Variants in ZNF618 observed in about 807,000 individuals in gnomAD.
The protein encoded by ZNF618 is zinc finger protein 618, also known as neural precursor cell expressed, developmentally down-regulated 10.
Under a neutral mutation model 103.0 loss-of-function variants are expected in ZNF618, and 34 were observed. The ratio of observed to expected loss-of-function variants is 0.33; its 90% CI spans 0.25 to 0.44. ZNF618 has a LOEUF of 0.44. Among genes scored for constraint, ZNF618 ranks in the 20% least tolerant of loss-of-function variants. The probability of loss-of-function intolerance (pLI) is 1.00; values close to 1 mark genes in which losing one functional copy is unlikely to be tolerated. For missense variants in ZNF618, 1,059 were observed against 1,295.4 expected (o/e 0.82, Z 2.80); for synonymous variants, 551 against 542.2 (o/e 1.02, Z -0.23).
intron 3 of ZNF618, among the ~76,000 whole-genome samples, chr9:113,995,785 C>A (rs1840530710): frequency 6.6e-6 from 1 of 152,162 alleles, no homozygotes; most frequent in African/African-American, 2.4e-5. Flanking sequence ...CACTCACTTT[C>A]TGAGCCCGAC....
chr9:114,045,015 T>A (rs747094882), intron 13 of ZNF618, among the ~76,000 whole-genome samples: 2 of 152,138 alleles, frequency 1.3e-5, no homozygotes, highest in Non-Finnish European at 2.9e-5. Context: ...TATAATCATA[T>A]CATCAGTGAA....
intron 2 of ZNF618, among the ~76,000 whole-genome samples, chr9:113,970,997 G>T (rs1181794129): frequency 1.4e-5 from 2 of 147,524 alleles, no homozygotes; most frequent in Non-Finnish European, 3.0e-5. Context: ...GTGGAGACAG[G>T]GAGTGTGGGA....
At chr9:113,919,320 G>A (rs1832423825) in intron 1 of ZNF618, among the ~76,000 whole-genome samples, 1 of 152,190 alleles carries the variant, frequency 6.6e-6, no homozygotes, top group South Asian at 2.1e-4. Context: ...GTCTGTAGCT[G>A]GGGGCTGCTG....
At chr9:114,015,007 T>C (rs1004297507) in intron 9 of ZNF618, among the ~76,000 whole-genome samples, 3 of 152,148 alleles carry the variant, frequency 2.0e-5, no homozygotes, top group African/African-American at 7.2e-5. Flanking sequence ...AGTGGAAAGA[T>C]TTATCACAAT....
chr9:114,021,887 G>GA (rs1284986291), intron 10 of ZNF618, among the ~76,000 whole-genome samples: 6 of 151,998 alleles, frequency 3.9e-5, no homozygotes, highest in Non-Finnish European at 1.5e-5. Flanking sequence ...TAATTATTTT[G>GA]AGATTCATCT....
In ZNF618 at chr9:113,945,415, A is replaced by G. The variant is rs75270757; in HGVS notation, c.34-23702A>G. Among the ~76,000 whole-genome samples the G allele has an allele frequency of 2.8e-4, 42 of 152,238 alleles. 1 individual carries two copies. Among genetic ancestry groups the G allele is most frequent in the African/African-American group, 9.9e-4 (41 of 41,532 alleles). On this transcript the variant is annotated intron_variant, in intron 1 of 14. Coordinates refer to ENST00000374126, the MANE Select transcript of ZNF618 (RefSeq NM_001318042.2). ...TGATAGTTATCTATTTATTGGTGAG[A>G]TCTTGGCTTGACATTTCTCTACTGC...
At chr9:113,999,850 T>G (rs569686815) in intron 4 of ZNF618, among the ~76,000 whole-genome samples, 2 of 152,194 alleles carry the variant, frequency 1.3e-5, no homozygotes, top group Admixed American at 6.5e-5. Flanking sequence ...CCCGGCACAT[T>G]GCAGGCACTC....
chr9:113,988,724 C>G, intron 3 of ZNF618, 144 bp downstream of exon 3: 1 of 1,276,696 alleles, frequency 7.8e-7, no homozygotes, highest in Non-Finnish European at 1.0e-6. Flanking sequence ...AGGGAGAGAT[C>G]TCAGCTTCTT....
Position 114,055,680 on chromosome 9 carries a change from CTT to C in ZNF618, c.*5515_*5516del, listed in dbSNP as rs1443766728. On this transcript the variant is annotated 3_prime_UTR_variant, in exon 15 of 15. Transcript: ENST00000374126. The stretch of plus-strand genomic sequence containing the variant: ...TAGACACATCTGACTGTGTCTCTCT[CTT>C]TGAGTGCAAGAAACTCAAGTCATCT... The C allele has an allele frequency of 2.0e-5, 3 of 147,068 alleles. No individual in the cohort carries two copies. Among genetic ancestry groups the C allele is most frequent in the African/African-American group, 7.5e-5 (3 of 39,756 alleles). The allele number at this position is 147,068 out of a possible 1,614,324, so 9.1% of individuals were successfully genotyped here. A position where few individuals can be genotyped will look rare whatever the true frequency, so the allele number is the denominator to read the frequency against.
chr9:114,049,637 G>A lies in ZNF618; in HGVS notation c.2335G>A (p.Gly779Ser). ...KLFTAKANDA[G>S]TVSKLCHLFL... ...GTTCACGGCCAAGGCCAACGACGCA[G>A]GCACTGTCAGCAAGCTCTGCCACCT... The change falls in exon 15 of 15, where the codon GGC becomes AGC. Residue 779 changes from glycine to serine, a missense_variant. Around this residue, in one of 6 missense-constraint regions of ZNF618, gnomAD observed 272 missense variants for 380.1 expected, o/e 0.72. Coordinates refer to ENST00000374126, the MANE Select transcript of ZNF618 (RefSeq NM_001318042.2). The A allele has an allele frequency of 6.2e-7, 1 of 1,613,850 alleles. No individual in the cohort carries two copies. The highest frequency in any genetic ancestry group is 8.5e-7 in the Non-Finnish European group (1 of 1,179,908).
chr9:113,877,458 C>T (rs1828059759), intron 1 of ZNF618, among the ~76,000 whole-genome samples: 1 of 151,290 alleles, frequency 6.6e-6, no homozygotes, highest in South Asian at 2.1e-4. Context: ...TCTATTTCCA[C>T]GAACGAAGGA....
Position 113,978,444 on chromosome 9 carries a change from G to A in ZNF618, c.77+9284G>A, listed in dbSNP as rs192816873. On this transcript the variant is annotated intron_variant, in intron 2 of 14. Transcript: ENST00000374126. ...GGAGAGAGAGAGGCAGGTGGCAAGC[G>A]CAGAGCCCAGGCGCCTTTCTCTGTG... Among the ~76,000 whole-genome samples the A allele has an allele frequency of 1.1e-4, 17 of 152,328 alleles. No homozygotes were observed. The South Asian group carries it at 2.5e-3, about 22-fold the overall frequency.
At chr9:113,950,745 A>G (rs1476074306) in intron 1 of ZNF618, among the ~76,000 whole-genome samples, 1 of 152,086 alleles carries the variant, frequency 6.6e-6, no homozygotes, top group African/African-American at 2.4e-5. Flanking sequence ...AGGGGCTCCA[A>G]CCCGGCCTCA....
chr9:114,007,973 C>T (rs1841901868), intron 7 of ZNF618, among the ~76,000 whole-genome samples: 1 of 152,172 alleles, frequency 6.6e-6, no homozygotes, highest in Non-Finnish European at 1.5e-5. Flanking sequence ...TACCACTGGC[C>T]CATCTCTTTT....
rs568866655 is a variant in ZNF618, at chr9:113,960,461, G to T, written c.34-8656G>T. Among the ~76,000 whole-genome samples the T allele has an allele frequency of 2.0e-5, 3 of 152,328 alleles. No individual in the cohort carries two copies. In the East Asian group the frequency reaches 5.8e-4, roughly 29 times the overall value. ...CTGTATTAGGGTCTGGATCCAATCTGCATGGCTGCCTATCAGAGAGAGAAG... is the reference window on the plus strand; with the variant it reads ...CTGTATTAGGGTCTGGATCCAATCTTCATGGCTGCCTATCAGAGAGAGAAG... On this transcript the variant is annotated intron_variant, in intron 1 of 14. Coordinates refer to ENST00000374126, the MANE Select transcript of ZNF618 (RefSeq NM_001318042.2).
chr9:113,890,671 T>C (rs1829538076), intron 1 of ZNF618, among the ~76,000 whole-genome samples: 1 of 152,244 alleles, frequency 6.6e-6, no homozygotes, highest in African/African-American at 2.4e-5. Flanking sequence ...ATTCTACATG[T>C]AGACAGAACT....
intron 1 of ZNF618, among the ~76,000 whole-genome samples, chr9:113,919,274 G>A (rs113421772): frequency 1.3e-5 from 2 of 152,188 alleles, no homozygotes; most frequent in Non-Finnish European, 2.9e-5. Context: ...ATGCTCTGGT[G>A]GCTGATGGCA....
intron 10 of ZNF618, among the ~76,000 whole-genome samples, chr9:114,018,462 G>T (rs952316510): frequency 1.7e-4 from 26 of 152,228 alleles, no homozygotes; most frequent in African/African-American, 6.3e-4. Context: ...TAGCTACAAG[G>T]CCAGACTATA....
intron 1 of ZNF618, among the ~76,000 whole-genome samples, chr9:113,946,299 G>A (rs1027513138): frequency 6.6e-6 from 1 of 151,820 alleles, no homozygotes; most frequent in African/African-American, 2.4e-5. Flanking sequence ...TGAGTTTAAA[G>A]AGGGGCGGTG....
Sources: gnomAD v4.1 joint callset for allele counts (sites outside exome capture counted in the v4.1 genomes callset) on GRCh38, gnomAD v4.1.1 for gene constraint, gnomAD v4.1.1 regional missense constraint, MANE v1.5 for transcripts, NCBI Gene and HGNC (gene_info 2026-07-23, HGNC 2026-07-21) for gene names.